The following SLC71A2 variants were observed in gnomAD, a reference collection of about 807,000 sequenced individuals.
SLC71A2 encodes hippocampus abundant transcript-like 1.
At chr9:94,441,063 C>T in the SLC71A2 span, 45 of 1,609,764 alleles carry the variant, frequency 2.8e-5, no homozygotes, top group Non-Finnish European at 3.4e-5. Context: ...TAGCTGATGT[C>T]ACTCAGGAGC....
the SLC71A2 span, chr9:94,444,897 G>T: frequency 6.7e-7 from 1 of 1,482,558 alleles, no homozygotes; most frequent in Non-Finnish European, 9.4e-7. Flanking sequence ...GCAGACCTGG[G>T]TAAGGATATG....
At chr9:94,456,404 A>G in the SLC71A2 span, 1 of 1,259,186 alleles carries the variant, frequency 7.9e-7, no homozygotes, top group Non-Finnish European at 1.2e-6. Context: ...AAGCAGGAGC[A>G]GCTCTGAGTT....
At chr9:94,380,128 G>A in the SLC71A2 span, among the ~76,000 whole-genome samples, 1 of 152,168 alleles carries the variant, frequency 6.6e-6, no homozygotes, top group African/African-American at 2.4e-5. Flanking sequence ...TTAGCCAGGC[G>A]TGGTGGTGGG....
chr9:94,423,878 T>C, the SLC71A2 span, among the ~76,000 whole-genome samples: 3 of 152,122 alleles, frequency 2.0e-5, no homozygotes, highest in Admixed American at 6.5e-5. Flanking sequence ...GAATTTAAGT[T>C]TTTATGTAGT....
At chr9:94,446,820 C>T in the SLC71A2 span, 9 of 1,514,060 alleles carry the variant, frequency 5.9e-6, no homozygotes, top group Non-Finnish European at 8.3e-6. Context: ...TGCTTATTCT[C>T]AGTCGTTGAA....
chr9:94,398,619 A>C, the SLC71A2 span, among the ~76,000 whole-genome samples: 1 of 151,274 alleles, frequency 6.6e-6, no homozygotes, highest in African/African-American at 2.4e-5. Context: ...TTCACACCCC[A>C]ATAAACTTGT....
the SLC71A2 span, among the ~76,000 whole-genome samples, chr9:94,381,222 G>C: frequency 6.7e-6 from 1 of 148,814 alleles, no homozygotes; most frequent in Admixed American, 6.7e-5. Flanking sequence ...TTTTAGTAGA[G>C]ACGGGGTTTC....
At chr9:94,424,658 G>C in the SLC71A2 span, among the ~76,000 whole-genome samples, 4,729 of 150,206 alleles carry the variant, frequency 0.031, 240 homozygotes, top group African/African-American at 0.1. Context: ...AAAATAATCT[G>C]CTAAGAATTT....
chr9:94,381,352 C>CTT, the SLC71A2 span, among the ~76,000 whole-genome samples: 1 of 133,656 alleles, frequency 7.5e-6, no homozygotes, highest in South Asian at 2.3e-4. Context: ...AATTTTCTAG[C>CTT]TTTTTTTTTT....
chr9:94,379,913 G>A, the SLC71A2 span, among the ~76,000 whole-genome samples: 3 of 152,060 alleles, frequency 2.0e-5, no homozygotes, highest in African/African-American at 7.3e-5. Context: ...TTACTGTTAG[G>A]TATCCTTTTG....
the SLC71A2 span, among the ~76,000 whole-genome samples, chr9:94,437,558 A>C: frequency 6.6e-6 from 1 of 152,222 alleles, no homozygotes; most frequent in Admixed American, 6.5e-5. Context: ...CTCATCAGGC[A>C]GAGAGAACTT....
chr9:94,400,053 C>G, the SLC71A2 span, among the ~76,000 whole-genome samples: 1 of 151,994 alleles, frequency 6.6e-6, no homozygotes, highest in Non-Finnish European at 1.5e-5. Flanking sequence ...TCAAGTGATC[C>G]GCCCGTCTAG....
At chr9:94,422,338 A>C in the SLC71A2 span, among the ~76,000 whole-genome samples, 1 of 152,148 alleles carries the variant, frequency 6.6e-6, no homozygotes, top group Non-Finnish European at 1.5e-5. Context: ...TAAGTATAAC[A>C]GTTTCAGAGT....
the SLC71A2 span, among the ~76,000 whole-genome samples, chr9:94,442,677 C>G: frequency 8.1e-6 from 1 of 124,064 alleles, no homozygotes; most frequent in Non-Finnish European, 1.7e-5. Context: ...ATGGTGAAAC[C>G]CCGTCTCTAC....
chr9:94,414,231 A>T, the SLC71A2 span, among the ~76,000 whole-genome samples: 1 of 152,144 alleles, frequency 6.6e-6, no homozygotes, highest in African/African-American at 2.4e-5. Flanking sequence ...TTGTATTTTT[A>T]AAAAGTTCAC....
At chr9:94,383,715 T>C in the SLC71A2 span, among the ~76,000 whole-genome samples, 1 of 152,166 alleles carries the variant, frequency 6.6e-6, no homozygotes, top group Non-Finnish European at 1.5e-5. Context: ...GTTATTGGTA[T>C]TCTTTTGCCG....
At chr9:94,409,606 C>T in the SLC71A2 span, among the ~76,000 whole-genome samples, 2 of 152,234 alleles carry the variant, frequency 1.3e-5, no homozygotes, top group Non-Finnish European at 2.9e-5. Flanking sequence ...CACACATCTA[C>T]AGCTGTACAC....
the SLC71A2 span, among the ~76,000 whole-genome samples, chr9:94,454,391 G>A: frequency 0.1 from 15,284 of 151,766 alleles, 1,431 homozygotes; most frequent in East Asian, 0.35. Flanking sequence ...TCCCTGAGAC[G>A]GAGTCTCACT....
At chr9:94,395,184 G>T in the SLC71A2 span, among the ~76,000 whole-genome samples, 1 of 149,976 alleles carries the variant, frequency 6.7e-6, no homozygotes, top group Non-Finnish European at 1.5e-5. Context: ...AAAGTGCTGG[G>T]ATTACGGGGA....
Sources: gnomAD v4.1 joint callset for allele counts (sites outside exome capture counted in the v4.1 genomes callset) on GRCh38, gnomAD v4.1.1 for gene constraint, MANE v1.5 for transcripts, NCBI Gene and HGNC (gene_info 2026-07-23, HGNC 2026-07-21) for gene names.